Variants in TIAM1 observed in about 807,000 individuals in gnomAD.
TIAM1 encodes the protein rho guanine nucleotide exchange factor TIAM1.
TIAM1 carries 65 observed loss-of-function variants against 163.5 expected under a neutral mutation model. That is an observed-to-expected ratio of 0.40 (90% CI 0.33 to 0.49). The LOEUF (loss-of-function observed/expected upper bound fraction) is 0.49. Among genes scored for constraint, TIAM1 ranks in the 20% least tolerant of loss-of-function variants. The pLI is 0.77. For synonymous variants in TIAM1, 833 were observed against 810.1 expected, an observed-to-expected ratio of 1.03 and a Z score of -0.48; for missense variants, 1,789 against 2,044.7, an observed-to-expected ratio of 0.87 and a Z score of 2.41.
At chr21:31,221,828 G>A (rs1184652465) in intron 8 of TIAM1, among the ~76,000 whole-genome samples, 2 of 152,112 alleles carry the variant, frequency 1.3e-5, no homozygotes, top group Non-Finnish European at 2.9e-5. Flanking sequence ...GTTTATTTTT[G>A]TTTTGCAGAA....
chr21:31,305,014 G>A lies in TIAM1; in HGVS notation c.-188-28106C>T, dbSNP rs1025391749. On this transcript the variant is annotated intron_variant, in intron 2 of 27. Transcript: ENST00000541036. Reference sequence around the variant, plus strand: ...CAGCCCATTGAATTTCTAAATTCACGGAACTCCTGTCTCCAATAAATATCT... The same window carrying A: ...CAGCCCATTGAATTTCTAAATTCACAGAACTCCTGTCTCCAATAAATATCT... Among the ~76,000 whole-genome samples the A allele has an allele frequency of 7.2e-5, 11 of 152,064 alleles. No homozygotes were observed. The South Asian group carries it at 1.2e-3, about 17-fold the overall frequency.
intron 2 of TIAM1, among the ~76,000 whole-genome samples, chr21:31,333,733 C>T (rs944724008): frequency 2.6e-5 from 4 of 152,216 alleles, no homozygotes; most frequent in African/African-American, 9.6e-5. Context: ...GGCCATCACG[C>T]CTGGCCTGAA....
intron 14 of TIAM1, 111 bp from the exon 15 acceptor site, chr21:31,182,756 G>T: frequency 1.8e-6 from 2 of 1,109,686 alleles, no homozygotes; most frequent in Non-Finnish European, 2.5e-6. Context: ...AGCCCCAGGT[G>T]CTGCTGCAGA....
At chr21:31,383,489 C>G (rs2076814930) in intron 2 of TIAM1, among the ~76,000 whole-genome samples, 2 of 152,164 alleles carry the variant, frequency 1.3e-5, no homozygotes, top group Non-Finnish European at 1.5e-5. Flanking sequence ...CACCTCTTCA[C>G]ACTTCAACAG....
intron 2 of TIAM1, among the ~76,000 whole-genome samples, chr21:31,454,065 T>A (rs2044991345): frequency 6.6e-6 from 1 of 152,254 alleles, no homozygotes; most frequent in African/African-American, 2.4e-5. Flanking sequence ...TGCACTCCAG[T>A]TACCTCATGA....
At chr21:31,203,080 A>G (rs1006380403) in intron 11 of TIAM1, 68 bp from the exon 12 acceptor site, 130 of 1,245,938 alleles carry the variant, frequency 1.0e-4, no homozygotes, top group Admixed American at 5.1e-5. Flanking sequence ...TTAGTTCTCC[A>G]CCAACATACG....
At chr21:31,486,075 C>T (rs2046261900) in intron 1 of TIAM1, among the ~76,000 whole-genome samples, 1 of 152,218 alleles carries the variant, frequency 6.6e-6, no homozygotes, top group Non-Finnish European at 1.5e-5. Context: ...ACCAATAGCA[C>T]ATCTCACCCC....
At chr21:31,390,062 A>C (rs2076942767) in intron 2 of TIAM1, among the ~76,000 whole-genome samples, 1 of 152,210 alleles carries the variant, frequency 6.6e-6, no homozygotes, top group African/African-American at 2.4e-5. Flanking sequence ...ATTTTTTAGA[A>C]AGCACAAAGA....
chr21:31,294,023 A>C lies in TIAM1; in HGVS notation c.-188-17115T>G, dbSNP rs2074132192. Reference sequence around the variant, plus strand: ...ACCCTGTTGGTGTTATTTCTGCTCTAGTCTTGGATCTGAAATCATCACCCT... The same window carrying C: ...ACCCTGTTGGTGTTATTTCTGCTCTCGTCTTGGATCTGAAATCATCACCCT... On this transcript the variant is annotated intron_variant, in intron 2 of 27. Coordinates refer to ENST00000541036, the MANE Select transcript of TIAM1 (RefSeq NM_001353694.2). Among the ~76,000 whole-genome samples, 3 of 152,148 alleles carry C rather than the reference A, an allele frequency of 2.0e-5. No individual in the cohort carries two copies. The South Asian group carries it at 6.2e-4, about 32-fold the overall frequency.
intron 2 of TIAM1, among the ~76,000 whole-genome samples, chr21:31,297,926 G>A (rs577624667): frequency 3.9e-4 from 59 of 152,264 alleles, no homozygotes; most frequent in Admixed American, 2.2e-3. Context: ...CGAGTATGAC[G>A]ATACATATAT....
At chr21:31,518,356 C>A (rs1038789403) in intron 1 of TIAM1, among the ~76,000 whole-genome samples, 2 of 151,992 alleles carry the variant, frequency 1.3e-5, no homozygotes, top group African/African-American at 2.4e-5. Context: ...GGCATGATCT[C>A]GACTCACCAC....
intron 14 of TIAM1, among the ~76,000 whole-genome samples, chr21:31,184,142 G>A (rs906777048): frequency 6.6e-6 from 1 of 151,696 alleles, no homozygotes; most frequent in Non-Finnish European, 1.5e-5. Flanking sequence ...TTTTGCTCTT[G>A]TTGTCCAGGC....
chr21:31,180,059 C>A (rs1270747351), intron 15 of TIAM1, among the ~76,000 whole-genome samples: 1 of 152,014 alleles, frequency 6.6e-6, no homozygotes, highest in Non-Finnish European at 1.5e-5. Context: ...GCGCCTGCCA[C>A]CACGGATGGC....
intron 2 of TIAM1, among the ~76,000 whole-genome samples, chr21:31,328,648 C>T (rs1418518711): frequency 1.3e-5 from 2 of 151,956 alleles, no homozygotes; most frequent in Non-Finnish European, 2.9e-5. Context: ...ACCGATCAAC[C>T]CGTCATCTAG....
rs550157346 is a variant in TIAM1 at position 31,257,221 on chromosome 21, C to T, written c.964-5032G>A. The stretch of plus-strand genomic sequence containing the variant: ...AATCAACTCTATTTTCCCTCCCCTT[C>T]CTTTCTTAGGGCAAAATCTCTATGC... On this transcript the variant is annotated intron_variant, in intron 4 of 27. Coordinates refer to ENST00000541036, the MANE Select transcript of TIAM1 (RefSeq NM_001353694.2). 9.2e-5 allele frequency among the ~76,000 whole-genome samples: 14 copies of T among 152,314 alleles called. No homozygotes were observed. The South Asian group carries it at 2.7e-3, about 29-fold the overall frequency.
intron 13 of TIAM1, among the ~76,000 whole-genome samples, chr21:31,192,003 G>T (rs1026966096): frequency 6.6e-6 from 1 of 152,158 alleles, no homozygotes; most frequent in African/African-American, 2.4e-5. Flanking sequence ...GAGGATCCAG[G>T]CACTTCACTG....
chr21:31,488,349 C>T (rs555504869), intron 1 of TIAM1, among the ~76,000 whole-genome samples: 1 of 152,286 alleles, frequency 6.6e-6, no homozygotes, highest in East Asian at 1.9e-4. Flanking sequence ...GGCAGTCCGA[C>T]CCCAGTCAGT....
chr21:31,304,222 T>A (rs2074609581), intron 2 of TIAM1, among the ~76,000 whole-genome samples: 1 of 152,176 alleles, frequency 6.6e-6, no homozygotes. Context: ...ACGTAAAGGT[T>A]TCCTATCTAA....
chr21:31,465,514 T>C (rs2045491027), intron 1 of TIAM1, among the ~76,000 whole-genome samples: 1 of 151,234 alleles, frequency 6.6e-6, no homozygotes, highest in South Asian at 2.1e-4. Context: ...CAGGGCTTCT[T>C]AACAAGGAGA....
Sources: gnomAD v4.1 joint callset for allele counts (sites outside exome capture counted in the v4.1 genomes callset) on GRCh38, gnomAD v4.1.1 for gene constraint, MANE v1.5 for transcripts, NCBI Gene and HGNC (gene_info 2026-07-23, HGNC 2026-07-21) for gene names.